The following DISC1 variants were observed in gnomAD, a reference collection of about 807,000 sequenced individuals.
DISC1 encodes the protein disrupted in schizophrenia 1 protein.
DISC1 carries 57 observed loss-of-function variants against 84.5 expected under a neutral mutation model. That is an observed-to-expected ratio of 0.67 (90% confidence interval 0.55 to 0.84). DISC1 has a LOEUF of 0.84. DISC1 is among the 40% of genes least tolerant of loss of function. DISC1 has a pLI of 0.00. For synonymous variants in DISC1, 411 were observed against 415.2 expected (o/e 0.99, Z 0.12); for missense variants, 1,000 against 1,057.8 (o/e 0.95, Z 0.76).
Position 232,008,776 on chromosome 1 carries a change from C to T in DISC1, c.2043-9C>T. 6.5e-7 allele frequency: 1 copy of T among 1,541,264 alleles called. No homozygotes were observed. Among genetic ancestry groups the T allele is most frequent in the Non-Finnish European group, 8.7e-7 (1 of 1,145,418 alleles). On this transcript the variant is annotated splice_polypyrimidine_tract_variant and intron_variant, in intron 10 of 12. Transcript: ENST00000439617. Reference sequence around the variant, plus strand: ...TCATTTTTATGCCTTTGTTTCCTCTCTGTCTCAGCTGCAAGTGTCCACTGC... The same window carrying T: ...TCATTTTTATGCCTTTGTTTCCTCTTTGTCTCAGCTGCAAGTGTCCACTGC...
intron 9 of DISC1, among the ~76,000 whole-genome samples, chr1:231,957,081 C>A (rs1659641281): frequency 6.6e-6 from 1 of 152,180 alleles, no homozygotes. Flanking sequence ...GTATGTGGTA[C>A]CAGAAATATT....
chr1:231,709,015 A>T (rs2067457436), intron 3 of DISC1, among the ~76,000 whole-genome samples: 1 of 152,274 alleles, frequency 6.6e-6, no homozygotes, highest in African/African-American at 2.4e-5. Context: ...GTAAAAACTT[A>T]AAAATTGGGA....
intron 4 of DISC1, among the ~76,000 whole-genome samples, chr1:231,763,500 A>T (rs1004317944): frequency 1.3e-5 from 2 of 152,268 alleles, no homozygotes; most frequent in African/African-American, 4.8e-5. Context: ...GATTATTCAG[A>T]GAATCCGATC....
At chr1:231,634,942 C>T (rs756782381) in intron 1 of DISC1, among the ~76,000 whole-genome samples, 1 of 151,834 alleles carries the variant, frequency 6.6e-6, no homozygotes, top group Non-Finnish European at 1.5e-5. Flanking sequence ...TGAAAAAACT[C>T]CCCCAAAACC....
At chr1:231,805,513 T>G (rs921498193) in intron 8 of DISC1, among the ~76,000 whole-genome samples, 1 of 152,084 alleles carries the variant, frequency 6.6e-6, no homozygotes, top group Admixed American at 6.6e-5. Flanking sequence ...GCCACGCACT[T>G]TTAAGTAGCC....
chr1:231,643,511 G>A (rs1558229522), intron 1 of DISC1, among the ~76,000 whole-genome samples: 1 of 152,160 alleles, frequency 6.6e-6, no homozygotes, highest in Non-Finnish European at 1.5e-5. Context: ...GAGAATACTA[G>A]CTACCTCATA....
chr1:232,025,860 T>C (rs1176322547), intron 11 of DISC1, among the ~76,000 whole-genome samples: 2 of 152,120 alleles, frequency 1.3e-5, no homozygotes, highest in Non-Finnish European at 2.9e-5. Flanking sequence ...CCTCCCAAAG[T>C]GCTGCATCAT....
intron 6 of DISC1, among the ~76,000 whole-genome samples, chr1:231,786,002 A>G (rs996851313): frequency 4.6e-5 from 7 of 152,120 alleles, no homozygotes; most frequent in Admixed American, 6.5e-5. Context: ...TATCTAATAT[A>G]TCTCTATTAT....
intron 6 of DISC1, among the ~76,000 whole-genome samples, chr1:231,789,617 C>G (rs1047973913): frequency 6.6e-6 from 1 of 152,152 alleles, no homozygotes; most frequent in African/African-American, 2.4e-5. Flanking sequence ...GATCAGTTAT[C>G]TTTAGAATAG....
intron 10 of DISC1, among the ~76,000 whole-genome samples, chr1:231,995,153 AT>A (rs1056507941): frequency 6.7e-5 from 10 of 149,828 alleles, no homozygotes; most frequent in East Asian, 2.0e-4. Flanking sequence ...TAATAACAAC[AT>A]TTTTTTTTTC....
chr1:231,814,039 A>G (rs1438759525), intron 8 of DISC1, among the ~76,000 whole-genome samples: 1 of 152,184 alleles, frequency 6.6e-6, no homozygotes, highest in Non-Finnish European at 1.5e-5. Context: ...ATTGGAAACT[A>G]TGGACTTCAG....
intron 8 of DISC1, among the ~76,000 whole-genome samples, chr1:231,808,509 G>A (rs1450677104): frequency 6.6e-6 from 1 of 152,214 alleles, no homozygotes; most frequent in Non-Finnish European, 1.5e-5. Flanking sequence ...AATTCATCTA[G>A]CTGTCTGTTC....
chr1:231,662,192 C>G (rs1205581200), intron 1 of DISC1, among the ~76,000 whole-genome samples: 3 of 152,202 alleles, frequency 2.0e-5, no homozygotes, highest in Non-Finnish European at 1.5e-5. Context: ...TGGCTGGAGA[C>G]CCCTGTTTGG....
intron 10 of DISC1, among the ~76,000 whole-genome samples, chr1:231,986,704 A>G (rs941463238): frequency 1.3e-5 from 2 of 152,214 alleles, no homozygotes; most frequent in Admixed American, 6.5e-5. Context: ...ATTTAGAGTC[A>G]AAGGAAAACA....
intron 1 of DISC1, among the ~76,000 whole-genome samples, chr1:231,679,869 C>T (rs758530576): frequency 6.6e-6 from 1 of 152,196 alleles, no homozygotes; most frequent in Non-Finnish European, 1.5e-5. Flanking sequence ...TCATCAACTC[C>T]AAATGCTAAT....
intron 9 of DISC1, among the ~76,000 whole-genome samples, chr1:231,923,479 C>T (rs2090140979): frequency 6.6e-6 from 1 of 152,096 alleles, no homozygotes; most frequent in South Asian, 2.1e-4. Context: ...AATTTTGTTT[C>T]AAAAACTGGC....
Position 232,009,130 on chromosome 1 carries a change from A to T in DISC1, c.2307+81A>T. 1 of 1,592,302 alleles carries T rather than the reference A, an allele frequency of 6.3e-7. No individual in the cohort carries two copies. The highest frequency in any genetic ancestry group is 8.6e-7 in the Non-Finnish European group (1 of 1,167,806). On this transcript the variant is annotated intron_variant, in intron 11 of 12. Transcript: ENST00000439617. This position sits in a 1 kb window ranked among gnomAD's most constrained non-coding sequence, Gnocchi z 4.6. ...GGACCATGCTCCAAATGGGAACAATAAATATTGGGAAGGCTTCCCATTGAG... is the reference window on the plus strand; with the variant it reads ...GGACCATGCTCCAAATGGGAACAATTAATATTGGGAAGGCTTCCCATTGAG...
chr1:231,868,916 G>A (rs1415618072), intron 9 of DISC1, among the ~76,000 whole-genome samples: 2 of 148,870 alleles, frequency 1.3e-5, no homozygotes, highest in African/African-American at 2.5e-5. Flanking sequence ...AAGAGTTACC[G>A]GTTATACATT....
chr1:232,031,959 C>T lies in DISC1; in HGVS notation c.2426-4733C>T, dbSNP rs1374569892. ...GAAATAATGTAGCAAAAGAGTAGCA[C>T]TTTCAAAGGATAAGAGAGTCCCTTA... On this transcript the variant is annotated intron_variant, in intron 12 of 12. Coordinates refer to ENST00000439617, the MANE Select transcript of DISC1 (RefSeq NM_018662.3). The surrounding 1 kb of genome is among the most constrained non-coding windows in gnomAD (Gnocchi z 4.6). 6.6e-6 allele frequency among the ~76,000 whole-genome samples: 1 copy of T among 152,162 alleles called. No individual in the cohort carries two copies. The highest frequency in any genetic ancestry group is 2.4e-5 in the African/African-American group (1 of 41,424).
Sources: gnomAD v4.1 joint callset for allele counts (sites outside exome capture counted in the v4.1 genomes callset) on GRCh38, gnomAD v4.1.1 for gene constraint, Gnocchi (gnomAD v3.1) non-coding constraint, MANE v1.5 for transcripts, NCBI Gene and HGNC (gene_info 2026-07-23, HGNC 2026-07-21) for gene names.